Variants in BLTP3A observed in about 807,000 individuals in gnomAD.
BLTP3A encodes the protein ICBP90 binding protein 1.
the BLTP3A span, chr6:34,867,312 A>G: frequency 6.2e-7 from 1 of 1,614,172 alleles, no homozygotes. Context: ...GTGAATAATT[A>G]TGGCCAGGGG....
At chr6:34,872,757 C>T in the BLTP3A span, 2 of 179,346 alleles carry the variant, frequency 1.1e-5, no homozygotes, top group South Asian at 1.9e-4. Flanking sequence ...GCCATTTCAC[C>T]TCATGGTTTC....
chr6:34,824,482 C>T, the BLTP3A span, among the ~76,000 whole-genome samples: 305 of 147,096 alleles, frequency 2.1e-3, 1 homozygote, highest in African/African-American at 7.1e-3. Context: ...CGCTTGAACC[C>T]GGAAGGTGGA....
At chr6:34,848,170 C>T in the BLTP3A span, among the ~76,000 whole-genome samples, 1 of 151,062 alleles carries the variant, frequency 6.6e-6, no homozygotes, top group South Asian at 2.1e-4. Flanking sequence ...ATCTGCCTGC[C>T]TTGGCCTCCC....
the BLTP3A span, among the ~76,000 whole-genome samples, chr6:34,862,400 AAAAT>A: frequency 6.6e-6 from 1 of 152,042 alleles, no homozygotes; most frequent in East Asian, 1.9e-4. Context: ...ATAATAAAAT[AAAAT>A]AAAAACCAAA....
At chr6:34,867,136 T>C in the BLTP3A span, 1 of 1,383,034 alleles carries the variant, frequency 7.2e-7, no homozygotes, top group Non-Finnish European at 9.6e-7. Flanking sequence ...AGTATTTTGT[T>C]TTATTTTTAC....
At chr6:34,855,628 AAC>A in the BLTP3A span, 1 of 1,613,684 alleles carries the variant, frequency 6.2e-7, no homozygotes, top group Non-Finnish European at 8.5e-7. Flanking sequence ...TGTCTCTGCC[AAC>A]AGACTCATGG....
At chr6:34,858,514 G>T in the BLTP3A span, 1 of 1,614,094 alleles carries the variant, frequency 6.2e-7, no homozygotes, top group Non-Finnish European at 8.5e-7. Flanking sequence ...GAATTTTGTA[G>T]CCCCCTTCCC....
the BLTP3A span, among the ~76,000 whole-genome samples, chr6:34,844,617 T>G: frequency 6.6e-6 from 1 of 152,224 alleles, no homozygotes; most frequent in East Asian, 1.9e-4. Flanking sequence ...ATCCATGATA[T>G]TGAGCACTTT....
At chr6:34,810,218 C>T in the BLTP3A span, among the ~76,000 whole-genome samples, 2 of 152,140 alleles carry the variant, frequency 1.3e-5, no homozygotes, top group Non-Finnish European at 2.9e-5. Context: ...ATTAGTGGCA[C>T]ATTGTGTGGG....
chr6:34,855,838 T>C, the BLTP3A span: 1 of 1,488,462 alleles, frequency 6.7e-7, no homozygotes, highest in African/African-American at 1.4e-5. Context: ...GCTGGAAATA[T>C]CCCTCTTCAA....
At chr6:34,833,811 A>G in the BLTP3A span, among the ~76,000 whole-genome samples, 1 of 151,472 alleles carries the variant, frequency 6.6e-6, no homozygotes, top group African/African-American at 2.4e-5. Flanking sequence ...GCTCCCAGCT[A>G]CTTGGGAGGC....
the BLTP3A span, chr6:34,834,301 C>T: frequency 6.2e-7 from 1 of 1,614,092 alleles, no homozygotes; most frequent in Middle Eastern, 1.7e-4. Flanking sequence ...CCAAGGCCTT[C>T]CACGCTTCTT....
chr6:34,847,921 C>CTTTTTTTTTTTTTTTTTTTTTTTTTT, the BLTP3A span, among the ~76,000 whole-genome samples: 1 of 91,174 alleles, frequency 1.1e-5, no homozygotes, highest in Non-Finnish European at 2.0e-5. Context: ...TCTTTTTTTC[C>CTTTTTTTTTTTTTTTTTTTTTTTTTT]TTTTTTTTTT....
the BLTP3A span, among the ~76,000 whole-genome samples, chr6:34,832,500 A>G: frequency 3.3e-5 from 5 of 150,350 alleles, no homozygotes; most frequent in African/African-American, 9.8e-5. Flanking sequence ...CAGTGGCGCA[A>G]TCTTGGCTCA....
chr6:34,806,933 T>G, the BLTP3A span, among the ~76,000 whole-genome samples: 15 of 152,304 alleles, frequency 9.8e-5, no homozygotes, highest in East Asian at 7.7e-4. Flanking sequence ...GTGCTGAGAT[T>G]ACAGGCATGA....
the BLTP3A span, among the ~76,000 whole-genome samples, chr6:34,849,863 CGCAGTGGCTCATGCCTTTAATAATCCCA>C: frequency 6.6e-6 from 1 of 152,088 alleles, no homozygotes; most frequent in Non-Finnish European, 1.5e-5. Context: ...CCTGGTCCTG[CGCAGTGGCTCATGCCTTTAATAATCCCA>C]GCACTTTGGG....
the BLTP3A span, among the ~76,000 whole-genome samples, chr6:34,814,877 T>A: frequency 6.6e-6 from 1 of 152,200 alleles, no homozygotes; most frequent in Non-Finnish European, 1.5e-5. Flanking sequence ...AAGAATGTCC[T>A]CCAACCACTT....
the BLTP3A span, among the ~76,000 whole-genome samples, chr6:34,818,349 G>C: frequency 6.6e-6 from 1 of 152,072 alleles, no homozygotes; most frequent in African/African-American, 2.4e-5. Flanking sequence ...TGTGCCTGTA[G>C]TCCCAGCTAC....
the BLTP3A span, chr6:34,835,316 C>A: frequency 6.2e-7 from 1 of 1,614,142 alleles, no homozygotes; most frequent in Non-Finnish European, 8.5e-7. Flanking sequence ...AATGTGATAT[C>A]CTCCAAGCTG....
Sources: allele counts gnomAD v4.1 joint callset (sites outside exome capture counted in the v4.1 genomes callset), GRCh38; gene constraint gnomAD v4.1.1; transcripts MANE v1.5; gene names NCBI Gene and HGNC (gene_info 2026-07-23, HGNC 2026-07-21).